The following GTF2F1 variants were observed in gnomAD, a reference collection of about 807,000 sequenced individuals.
GTF2F1 encodes general transcription factor IIF subunit 1.
In GTF2F1, 39 loss-of-function variants were observed where a neutral mutation model predicts 63.5. The observed-to-expected ratio is 0.61, with a 90% CI of 0.48 to 0.80. The LOEUF is 0.80. Among genes scored for constraint, GTF2F1 ranks in the 30% least tolerant of loss-of-function variants. The pLI is 0.00. For missense variants in GTF2F1, 657 were observed against 718.3 expected, an observed-to-expected ratio of 0.91 and a Z score of 0.97; for synonymous variants, 287 against 285.3, an observed-to-expected ratio of 1.01 and a Z score of -0.06.
intron 6 of GTF2F1, among the ~76,000 whole-genome samples, chr19:6,382,506 C>T (rs1277493312): frequency 6.6e-6 from 1 of 151,962 alleles, no homozygotes; most frequent in Non-Finnish European, 1.5e-5. Context: ...TGGTGCATGC[C>T]TGTAGTCCCA....
chr19:6,392,160 C>T (rs1201834888), intron 2 of GTF2F1, 186 bp from the exon 3 acceptor site: 4 of 653,796 alleles, frequency 6.1e-6, no homozygotes, highest in Non-Finnish European at 1.1e-5. Flanking sequence ...TCATTCCATT[C>T]AATTGAATCA....
rs1477573846 is a variant in GTF2F1, at chr19:6,393,073, G to A, written c.-78C>T. The A allele has an allele frequency of 1.3e-6, 2 of 1,582,534 alleles. No homozygotes were observed. Among genetic ancestry groups the A allele is most frequent in the East Asian group, 2.2e-5 (1 of 44,686 alleles). Reference sequence around the variant, plus strand: ...TCTGGCGTGCGCGTCCCTCGATCCCGGGGAAGCCGCCGCTCGGTGTCGGGT... The same window carrying A: ...TCTGGCGTGCGCGTCCCTCGATCCCAGGGAAGCCGCCGCTCGGTGTCGGGT... On this transcript the variant is annotated 5_prime_UTR_variant, in exon 1 of 13. Coordinates refer to ENST00000394456, the MANE Select transcript of GTF2F1 (RefSeq NM_002096.3).
intron 4 of GTF2F1, 112 bp downstream of exon 4, chr19:6,389,332 T>G: frequency 1.4e-6 from 1 of 700,692 alleles, no homozygotes; most frequent in South Asian, 2.9e-5. Flanking sequence ...GCACTTCCAC[T>G]GCAGCAGTGG....
intron 4 of GTF2F1, among the ~76,000 whole-genome samples, chr19:6,388,075 G>A (rs1424948907): frequency 6.6e-6 from 1 of 150,906 alleles, no homozygotes; most frequent in Non-Finnish European, 1.5e-5. Context: ...GATTACAGGT[G>A]TCTGCCACCA....
chr19:6,381,802 C>A lies in GTF2F1; in HGVS notation c.731G>T (p.Gly244Val). 6.2e-7 allele frequency: 1 copy of A among 1,613,876 alleles called. No homozygotes were observed. Among genetic ancestry groups the A allele is most frequent in the African/African-American group, 1.3e-5 (1 of 75,060 alleles). ...AKKKAPLAKGGRKKKKKKGSD... is the reference protein window; with the variant it reads ...AKKKAPLAKGVRKKKKKKGSD... ...ACCCTTCTTCTTCTTCTTTTTCCTG[C>A]CGCCCTTGGCCAGCGGCGCCTTCTT... The change falls in exon 7 of 13, where the codon GGC (glycine) becomes GTC (valine). Residue 244 changes from glycine (G) to valine (V), a missense_variant. Around this residue, in one of 2 missense-constraint regions of GTF2F1, gnomAD observed 602 missense variants for 625.6 expected, o/e 0.96. Transcript: ENST00000394456. The surrounding 1 kb of genome is among the most constrained non-coding windows in gnomAD (Gnocchi z 4.1).
chr19:6,382,762 C>T (rs979220282), intron 6 of GTF2F1, among the ~76,000 whole-genome samples: 5 of 144,868 alleles, frequency 3.5e-5, no homozygotes, highest in African/African-American at 1.3e-4. Context: ...TGTACCACTA[C>T]ACTCCAGCCC....
At position 6,381,926 on chromosome 19, in the gene GTF2F1, T is replaced by G. The variant is rs1279174592; in HGVS notation, c.683-76A>C. On this transcript the variant is annotated intron_variant, in intron 6 of 12. Coordinates refer to ENST00000394456, the MANE Select transcript of GTF2F1 (RefSeq NM_002096.3). This position sits in a 1 kb window ranked among gnomAD's most constrained non-coding sequence, Gnocchi z 4.1. ...TGGGTATTTATTGTGTTTTTCACATTTTGTGCAGTTTTGACATCCTGGGGG... is the reference window on the plus strand; with the variant it reads ...TGGGTATTTATTGTGTTTTTCACATGTTGTGCAGTTTTGACATCCTGGGGG... 4.6e-6 allele frequency: 6 copies of G among 1,296,494 alleles called. No homozygotes were observed. The highest frequency in any genetic ancestry group is 6.5e-6 in the Non-Finnish European group (6 of 927,208). The allele number at this position is 1,296,494 out of a possible 1,614,324, so 80.3% of individuals were successfully genotyped here.
At position 6,381,867 on chromosome 19, in the gene GTF2F1, G is replaced by A; in HGVS notation, c.683-17C>T. The A allele has an allele frequency of 1.2e-6, 2 of 1,601,970 alleles. No homozygotes were observed. Among genetic ancestry groups the A allele is most frequent in the Non-Finnish European group, 1.7e-6 (2 of 1,173,030 alleles). ...CTCTGCCCCCTGGGAAGGGAGGAAAGGAAGGAAAGGAGGGAAAGTGAGGAG... is the reference window on the plus strand; with the variant it reads ...CTCTGCCCCCTGGGAAGGGAGGAAAAGAAGGAAAGGAGGGAAAGTGAGGAG... On this transcript the variant is annotated splice_polypyrimidine_tract_variant and intron_variant, in intron 6 of 12. Transcript: ENST00000394456. The surrounding 1 kb of genome is among the most constrained non-coding windows in gnomAD (Gnocchi z 4.1).
At chr19:6,388,402 C>G (rs1409595949) in intron 4 of GTF2F1, among the ~76,000 whole-genome samples, 1 of 152,204 alleles carries the variant, frequency 6.6e-6, no homozygotes. Context: ...TCCGCTGGAC[C>G]CAGCACATCC....
At chr19:6,389,667 G>A (rs1026758212) in intron 3 of GTF2F1, 30 bp from the exon 4 acceptor site, 1 of 1,601,552 alleles carries the variant, frequency 6.2e-7, no homozygotes, top group Non-Finnish European at 8.5e-7. Flanking sequence ...AGCCTCTCAG[G>A]GTCCCTGGCT....
At chr19:6,392,504 G>A in intron 2 of GTF2F1, 1 of 539,080 alleles carries the variant, frequency 1.9e-6, no homozygotes, top group South Asian at 1.7e-5. Flanking sequence ...AGGCACTCAT[G>A]GCAGAGGAAC....
At chr19:6,388,953 A>G (rs1007854727) in intron 4 of GTF2F1, among the ~76,000 whole-genome samples, 4 of 151,242 alleles carry the variant, frequency 2.6e-5, no homozygotes, top group East Asian at 2.0e-4. Flanking sequence ...CTCAAAATAA[A>G]TAAGTAGGCT....
chr19:6,381,677 G>C lies in GTF2F1; in HGVS notation c.836+20C>G, dbSNP rs368496125. Reference sequence around the variant, plus strand: ...CGCGAGGCTGCATGGGGTCTCGCAGGCGCCTCCCGTCGGCCTCACCTGGAG... The same window carrying C: ...CGCGAGGCTGCATGGGGTCTCGCAGCCGCCTCCCGTCGGCCTCACCTGGAG... On this transcript the variant is annotated intron_variant, in intron 7 of 12. Transcript: ENST00000394456. The surrounding 1 kb of genome is among the most constrained non-coding windows in gnomAD (Gnocchi z 4.1). 6.2e-7 allele frequency: 1 copy of C among 1,613,990 alleles called. No homozygotes were observed. The highest frequency in any genetic ancestry group is 1.3e-5 in the African/African-American group (1 of 74,938).
chr19:6,382,424 G>A (rs1252301374), intron 6 of GTF2F1, among the ~76,000 whole-genome samples: 1 of 152,078 alleles, frequency 6.6e-6, no homozygotes, highest in Non-Finnish European at 1.5e-5. Context: ...CTGAGGTCGG[G>A]AGTTTGAGAC....
intron 5 of GTF2F1, among the ~76,000 whole-genome samples, chr19:6,385,541 GC>G (rs775374630): frequency 2.6e-5 from 4 of 151,648 alleles, no homozygotes; most frequent in Admixed American, 6.6e-5. Flanking sequence ...AAGCGAACCT[GC>G]CCCCCCAGCA....
rs531004638 is a variant in GTF2F1 at position 6,379,836 on chromosome 19, G to A, written c.*445C>T. 4 of 202,736 alleles carry A rather than the reference G, an allele frequency of 2.0e-5. No homozygotes were observed. Among genetic ancestry groups the A allele is most frequent in the Admixed American group, 1.0e-4 (2 of 19,130 alleles). 12.6% of individuals were successfully genotyped at this position (202,736 alleles called of 1,614,324 possible). A position where few individuals can be genotyped will look rare whatever the true frequency, so the allele number is the denominator to read the frequency against. ...TCACTGCAGCCTTGAACTGGGCTTA[G>A]CCTCCCAAGTAGCTGGGACTGCAGG... On this transcript the variant is annotated 3_prime_UTR_variant, in exon 13 of 13. Transcript: ENST00000394456.
At position 6,380,923 on chromosome 19, in the gene GTF2F1, A is replaced by G. The variant is rs2091944957; in HGVS notation, c.1212T>C (p.Ala404=). The G allele has an allele frequency of 3.8e-6, 6 of 1,568,910 alleles. No individual in the cohort carries two copies. Among genetic ancestry groups the G allele is most frequent in the Non-Finnish European group, 5.2e-6 (6 of 1,159,014 alleles). The change falls in exon 11 of 13, where the codon GCT becomes GCC. Residue 404 remains alanine (A), a synonymous_variant. Coordinates refer to ENST00000394456, the MANE Select transcript of GTF2F1 (RefSeq NM_002096.3). The surrounding 1 kb of genome is among the most constrained non-coding windows in gnomAD (Gnocchi z 5.3). The part of the protein sequence containing the change: ...GGSTSSTLRA[A]ASKLEQGKRV... Reference sequence around the variant, plus strand: ...ACTCACCTTGCTCGAGTTTGCTGGCAGCCGCCCGCAGGGTGGAGGAGGTGC... The same window carrying G: ...ACTCACCTTGCTCGAGTTTGCTGGCGGCCGCCCGCAGGGTGGAGGAGGTGC...
chr19:6,383,556 C>T lies in GTF2F1; in HGVS notation c.498-61G>A. The T allele has an allele frequency of 1.3e-6, 2 of 1,568,128 alleles. No homozygotes were observed. Among genetic ancestry groups the T allele is most frequent in the Admixed American group, 1.7e-5 (1 of 59,204 alleles). On this transcript the variant is annotated intron_variant, in intron 5 of 12. Coordinates refer to ENST00000394456, the MANE Select transcript of GTF2F1 (RefSeq NM_002096.3). The surrounding 1 kb of genome is among the most constrained non-coding windows in gnomAD (Gnocchi z 4.5). Reference sequence around the variant, plus strand: ...TGGCACCACCCTGCATCTGTGCTTGCAGGGGGCGAGCCCCAGGGCACCACC... The same window carrying T: ...TGGCACCACCCTGCATCTGTGCTTGTAGGGGGCGAGCCCCAGGGCACCACC...
In GTF2F1 at chr19:6,383,474, G is replaced by A; in HGVS notation, c.519C>T (p.His173=). 1 of 1,613,990 alleles carries A rather than the reference G, an allele frequency of 6.2e-7. No individual in the cohort carries two copies. Among genetic ancestry groups the A allele is most frequent in the Non-Finnish European group, 8.5e-7 (1 of 1,180,036 alleles). The change falls in exon 6 of 13, where the codon CAC becomes CAT. Residue 173 remains histidine, a synonymous_variant. Transcript: ENST00000394456. The surrounding 1 kb of genome is among the most constrained non-coding windows in gnomAD (Gnocchi z 4.5). ...EWERRNKVLN[H]FSIMQQRRLK... ...GCCGCCGCTGCTGCATGATGCTGAA[G>A]TGGTTCAGCACCTTGTTCCTCCTGC...
Sources: allele counts gnomAD v4.1 joint callset (sites outside exome capture counted in the v4.1 genomes callset), GRCh38; gene constraint gnomAD v4.1.1; regional missense constraint gnomAD v4.1.1; non-coding constraint Gnocchi (gnomAD v3.1); transcripts MANE v1.5; gene names NCBI Gene and HGNC (gene_info 2026-07-23, HGNC 2026-07-21).